Variants in CCDC122 observed in about 807,000 individuals in gnomAD.
CCDC122 encodes the protein coiled-coil domain-containing protein 122.
In CCDC122, 38 loss-of-function variants were observed where a neutral mutation model predicts 37.0. That is an observed-to-expected ratio of 1.03 (90% CI 0.79 to 1.35). The LOEUF (loss-of-function observed/expected upper bound fraction) is 1.35, where lower values mean the gene tolerates loss of function less well. Among genes scored for constraint, CCDC122 ranks in the 40% most tolerant of loss-of-function variants. The pLI is 0.00. For synonymous variants in CCDC122, 83 were observed against 95.6 expected (o/e 0.87, Z 0.77); for missense variants, 305 against 310.0 (o/e 0.98, Z 0.12).
At chr13:43,862,890 C>A (rs1485330556) in intron 4 of CCDC122, among the ~76,000 whole-genome samples, 2 of 152,056 alleles carry the variant, frequency 1.3e-5, no homozygotes, top group African/African-American at 4.8e-5. Context: ...TGCCTTTAAT[C>A]CATTTCTGCC....
At chr13:43,846,087 T>G (rs1457570103) in intron 6 of CCDC122, among the ~76,000 whole-genome samples, 1 of 152,100 alleles carries the variant, frequency 6.6e-6, no homozygotes, top group Admixed American at 6.5e-5. Context: ...TTTTCTTTTT[T>G]TTTTGAGACG....
chr13:43,848,375 T>C (rs906001991), intron 6 of CCDC122, among the ~76,000 whole-genome samples: 22 of 152,278 alleles, frequency 1.4e-4, no homozygotes, highest in African/African-American at 4.8e-4. Context: ...TCTCAACTGC[T>C]CCAGTGTCCT....
chr13:43,845,350 A>G (rs1953482785), intron 6 of CCDC122, among the ~76,000 whole-genome samples: 2 of 152,208 alleles, frequency 1.3e-5, no homozygotes, highest in South Asian at 4.1e-4. Flanking sequence ...TCAAAAAAAG[A>G]CCCATCTCTT....
intron 3 of CCDC122, among the ~76,000 whole-genome samples, chr13:43,825,643 G>T (rs573740608): frequency 1.3e-5 from 2 of 152,026 alleles, no homozygotes; most frequent in East Asian, 1.9e-4. Context: ...GGTGGTGTGC[G>T]CTTGTAGTCC....
chr13:43,865,461 T>C (rs972783299), intron 4 of CCDC122, among the ~76,000 whole-genome samples: 14 of 152,160 alleles, frequency 9.2e-5, no homozygotes, highest in Non-Finnish European at 1.8e-4. Flanking sequence ...ATATACACTA[T>C]GTTTTTTTTT....
At chr13:43,831,564 T>C (rs940739056), downstream of CCDC122, among the ~76,000 whole-genome samples, 3 of 152,198 alleles carry the variant, frequency 2.0e-5, no homozygotes, top group Non-Finnish European at 2.9e-5. Context: ...TCTTGGCTTA[T>C]TGATTTTGGA....
rs1954381620 is a variant in CCDC122, at chr13:43,869,504, A to G, written c.-113-15T>C. 5 of 670,486 alleles carry G rather than the reference A, an allele frequency of 7.5e-6. No homozygotes were observed. The East Asian group carries it at 8.7e-5, about 12-fold the overall frequency. 41.5% of individuals were successfully genotyped at this position (670,486 alleles called of 1,614,324 possible). Reference sequence around the variant, plus strand: ...TATTGGTGATCCTGAAAGGTAAATTAATTGTCAAACATGTCACAGGGATGT... The same window carrying G: ...TATTGGTGATCCTGAAAGGTAAATTGATTGTCAAACATGTCACAGGGATGT... On this transcript the variant is annotated splice_polypyrimidine_tract_variant and intron_variant, in intron 2 of 6. Coordinates refer to ENST00000444614, the MANE Select transcript of CCDC122 (RefSeq NM_144974.5).
chr13:43,851,953 A>G (rs978679942), intron 6 of CCDC122, among the ~76,000 whole-genome samples: 1 of 88,952 alleles, frequency 1.1e-5, no homozygotes, highest in Non-Finnish European at 2.5e-5. Flanking sequence ...AGGATAAAAG[A>G]AAAAAAAAAC....
chr13:43,832,634 T>A (rs549136446), downstream of CCDC122, among the ~76,000 whole-genome samples: 4 of 152,282 alleles, frequency 2.6e-5, no homozygotes, highest in African/African-American at 9.6e-5. Flanking sequence ...TTGATTAAAT[T>A]TATTGTATGC....
chr13:43,840,638 G>GC (rs1953318791), intron 6 of CCDC122, among the ~76,000 whole-genome samples: 1 of 151,924 alleles, frequency 6.6e-6, no homozygotes, highest in Non-Finnish European at 1.5e-5. Flanking sequence ...TGCGGTGTTT[G>GC]GTTTTTTGTC....
chr13:43,844,592 T>C (rs766804330), intron 6 of CCDC122, among the ~76,000 whole-genome samples: 7 of 152,126 alleles, frequency 4.6e-5, no homozygotes, highest in Non-Finnish European at 1.0e-4. Flanking sequence ...AGTTAAGATA[T>C]CTGATATGAC....
Position 43,869,424 on chromosome 13 carries a change from C to T in CCDC122, c.-48G>A. 10 of 1,436,332 alleles carry T rather than the reference C, an allele frequency of 7.0e-6. No homozygotes were observed. Among genetic ancestry groups the T allele is most frequent in the Non-Finnish European group, 9.7e-6 (10 of 1,030,428 alleles). The allele number at this position is 1,436,332 out of a possible 1,614,324, so 89.0% of individuals were successfully genotyped here. ...TCCCCTTTTTGATTTACCTTCTTTA[C>T]TCCTACTCAATAATCTATATTGATA... On this transcript the variant is annotated 5_prime_UTR_variant, in exon 3 of 7. Transcript: ENST00000444614.
At chr13:43,873,755 C>G (rs954009955) in intron 2 of CCDC122, among the ~76,000 whole-genome samples, 1 of 152,178 alleles carries the variant, frequency 6.6e-6, no homozygotes, top group Non-Finnish European at 1.5e-5. Context: ...CAAATACTAT[C>G]TTAGTAGAGA....
At chr13:43,859,020 C>T (rs1954020938) in intron 5 of CCDC122, 123 bp from the exon 6 acceptor site, 1 of 740,282 alleles carries the variant, frequency 1.4e-6, no homozygotes, top group African/African-American at 1.9e-5. Flanking sequence ...TGATAAATAG[C>T]ATTAGAATAT....
intron 3 of CCDC122, among the ~76,000 whole-genome samples, chr13:43,825,263 C>T (rs1235883020): frequency 9.9e-5 from 15 of 152,170 alleles, no homozygotes; most frequent in Non-Finnish European, 5.9e-5. Flanking sequence ...AATATGGATG[C>T]ATCTGGAGGC....
intron 6 of CCDC122, among the ~76,000 whole-genome samples, chr13:43,839,029 C>T (rs148598544): frequency 2.0e-5 from 3 of 152,212 alleles, no homozygotes; most frequent in Non-Finnish European, 4.4e-5. Context: ...TGCTTATCTC[C>T]GTTTCAAGAG....
At chr13:43,857,668 C>T (rs1182655613) in intron 6 of CCDC122, among the ~76,000 whole-genome samples, 1 of 151,926 alleles carries the variant, frequency 6.6e-6, no homozygotes, top group Non-Finnish European at 1.5e-5. Context: ...TTTGGGAGGC[C>T]GAGGCAGGCG....
downstream of CCDC122, among the ~76,000 whole-genome samples, chr13:43,834,156 A>G (rs9533643): frequency 0.061 from 9,223 of 152,284 alleles, 367 homozygotes; most frequent in Non-Finnish European, 0.089. Context: ...ATAATGCCGC[A>G]TATCTACAAC....
At chr13:43,855,992 T>C (rs1953896036) in intron 6 of CCDC122, 1 of 152,212 alleles carries the variant, frequency 6.6e-6, no homozygotes, top group South Asian at 2.1e-4. Context: ...ATAAAGAAAA[T>C]ATGGTACATA....
Sources: gnomAD v4.1 joint callset for allele counts (sites outside exome capture counted in the v4.1 genomes callset) on GRCh38, gnomAD v4.1.1 for gene constraint, MANE v1.5 for transcripts, NCBI Gene and HGNC (gene_info 2026-07-23, HGNC 2026-07-21) for gene names.